FAM151A: variants seen among roughly 807,000 people sequenced by gnomAD.
FAM151A encodes the protein family with sequence similarity 151 member A.
In FAM151A, 41 loss-of-function variants were observed where a neutral mutation model predicts 40.4. The ratio of observed to expected loss-of-function variants is 1.01; its 90% CI spans 0.79 to 1.32. FAM151A has a LOEUF of 1.32. Among genes scored for constraint, FAM151A ranks in the 40% most tolerant of loss-of-function variants. The probability of loss-of-function intolerance (pLI) is 0.00; values close to 1 mark genes in which losing one functional copy is unlikely to be tolerated. For synonymous variants in FAM151A, 337 were observed against 312.5 expected, an observed-to-expected ratio of 1.08 and a Z score of -0.83; for missense variants, 740 against 740.4, an observed-to-expected ratio of 1.00 and a Z score of 0.01.
Position 54,616,109 on chromosome 1 carries a change from C to T in FAM151A, c.326G>A (p.Gly109Glu). 1 of 1,614,144 alleles carries T rather than the reference C, an allele frequency of 6.2e-7. No individual in the cohort carries two copies. Among genetic ancestry groups the T allele is most frequent in the East Asian group, 2.2e-5 (1 of 44,864 alleles). The change falls in exon 3 of 8, where the codon GGA (glycine) becomes GAA (glutamate). Residue 109 changes from glycine (G) to glutamate (E), a missense_variant. Transcript: ENST00000302250. ...GGGGGGGTGTGCCATGATGGGAACT[C>T]CTGTCTCATTGGCTGTGCCGAGCCC... ...VEGLGTANET[G>E]VPIMAHPPTI...
At chr1:54,617,098 T>A (rs2101021348) in intron 2 of FAM151A, among the ~76,000 whole-genome samples, 1 of 152,318 alleles carries the variant, frequency 6.6e-6, no homozygotes, top group Non-Finnish European at 1.5e-5. Context: ...TCTCACCACA[T>A]CATCACTGAC....
At chr1:54,610,138 A>G in intron 7 of FAM151A, 197 bp from the exon 8 acceptor site, 1 of 1,433,346 alleles carries the variant, frequency 7.0e-7, no homozygotes, top group Non-Finnish European at 9.1e-7. Flanking sequence ...CTCTTGTTTC[A>G]GCTCTTGGCC....
At chr1:54,610,172 G>A (rs2101012823) in intron 7 of FAM151A, 11 of 1,432,978 alleles carry the variant, frequency 7.7e-6, no homozygotes, top group Non-Finnish European at 1.0e-5. Flanking sequence ...CAGCCTGGGG[G>A]CTGGTGCCGG....
intron 3 of FAM151A, among the ~76,000 whole-genome samples, chr1:54,615,573 G>A (rs1354616951): frequency 6.6e-6 from 1 of 152,028 alleles, no homozygotes; most frequent in East Asian, 1.9e-4. Flanking sequence ...ATGGGGGCAG[G>A]GTTAGGGGTT....
At chr1:54,615,431 G>T (rs920490695) in intron 3 of FAM151A, among the ~76,000 whole-genome samples, 1 of 152,124 alleles carries the variant, frequency 6.6e-6, no homozygotes, top group Non-Finnish European at 1.5e-5. Context: ...TGACAAAACT[G>T]GTGTTTTGAA....
rs543957068 is a variant in FAM151A at position 54,609,573 on chromosome 1, G to A, written c.1453C>T (p.Leu485=). 327 of 1,612,936 alleles carry A rather than the reference G, an allele frequency of 2.0e-4. No individual in the cohort carries two copies. Among genetic ancestry groups the A allele is most frequent in the Non-Finnish European group, 2.6e-4 (311 of 1,180,020 alleles). Reference sequence around the variant, plus strand: ...AGCTGTTCCCTGTAGCCACTGCCCAGCACCTCCTCAGGCCAGCCTGGTGCC... The same window carrying A: ...AGCTGTTCCCTGTAGCCACTGCCCAACACCTCCTCAGGCCAGCCTGGTGCC... The part of the protein sequence containing the change: ...TVAPGWPEEV[L]GSGYREQLLT... Residue 485 remains leucine, a synonymous_variant, in exon 8 of 8, where the codon CTG becomes TTG. Transcript: ENST00000302250.
chr1:54,609,628 A>G lies in FAM151A; in HGVS notation c.1398T>C (p.Ala466=), dbSNP rs1644089921. The change falls in exon 8 of 8, where the codon GCT becomes GCC. Residue 466 remains alanine, a synonymous_variant. Transcript: ENST00000302250. The part of the protein sequence containing the change: ...GHVAGRELLT[A]VAEVFPHVTV... Reference sequence around the variant, plus strand: ...TCACGTGGGGGAAGACCTCAGCCACAGCTGTAAGCAGCTCTCTGCCAGCCA... The same window carrying G: ...TCACGTGGGGGAAGACCTCAGCCACGGCTGTAAGCAGCTCTCTGCCAGCCA... The G allele has an allele frequency of 1.2e-6, 2 of 1,613,772 alleles. No homozygotes were observed. The highest frequency in any genetic ancestry group is 1.7e-6 in the Non-Finnish European group (2 of 1,180,022).
At position 54,619,973 on chromosome 1, in the gene FAM151A, G is replaced by A. The variant is rs1463626093; in HGVS notation, c.153C>T (p.Asp51=). ...CELEACSPDA[D]MLDYLLSLGQ... is the part of the protein sequence containing the mutation. ...CCAGGCTCAGCAGGTAGTCCAGCAT[G>A]TCGGCATCAGGGCTGCAGGCCTCCA... is the stretch of plus-strand genomic sequence containing the variant. The change falls in exon 2 of 8, where the codon GAC becomes GAT. Residue 51 remains aspartate, a synonymous_variant. Coordinates refer to ENST00000302250, the MANE Select transcript of FAM151A (RefSeq NM_176782.3). The A allele has an allele frequency of 6.2e-7, 1 of 1,614,156 alleles. No individual in the cohort carries two copies. Among genetic ancestry groups the A allele is most frequent in the South Asian group, 1.1e-5 (1 of 91,076 alleles).
In FAM151A at chr1:54,609,195, G is replaced by T. The variant is rs2101010774; in HGVS notation, c.*73C>A. The T allele has an allele frequency of 4.1e-5, 65 of 1,598,708 alleles. No individual in the cohort carries two copies. The highest frequency in any genetic ancestry group is 5.5e-5 in the Non-Finnish European group (65 of 1,171,652). On this transcript the variant is annotated 3_prime_UTR_variant, in exon 8 of 8. Coordinates refer to ENST00000302250, the MANE Select transcript of FAM151A (RefSeq NM_176782.3). Reference sequence around the variant, plus strand: ...CATACAGTGCCTGGAGAAAGCCAAAGACCTTTATTTCTTCCTGCCTCCCCG... The same window carrying T: ...CATACAGTGCCTGGAGAAAGCCAAATACCTTTATTTCTTCCTGCCTCCCCG...
chr1:54,610,972 A>G (rs967048522), intron 6 of FAM151A: 7 of 985,286 alleles, frequency 7.1e-6, no homozygotes, highest in Non-Finnish European at 7.2e-6. Context: ...CCTCTGAAAC[A>G]TTAGAGTAAC....
chr1:54,609,632 G>C lies in FAM151A; in HGVS notation c.1394C>G (p.Thr465Arg). Residue 465 changes from threonine (T) to arginine (R), a missense_variant, in exon 8 of 8, where the codon ACA (threonine) becomes AGA (arginine). By Grantham distance (71) the Thr-to-Arg change is moderately conservative. Transcript: ENST00000302250. ...PGHVAGRELL[T>R]AVAEVFPHVT... ...GTGGGGGAAGACCTCAGCCACAGCT[G>C]TAAGCAGCTCTCTGCCAGCCACATG... 1 of 1,613,792 alleles carries C rather than the reference G, an allele frequency of 6.2e-7. No individual in the cohort carries two copies. Among genetic ancestry groups the C allele is most frequent in the Non-Finnish European group, 8.5e-7 (1 of 1,180,032 alleles).
rs11206394 is a variant in FAM151A at position 54,609,449 on chromosome 1, C to G, written c.1577G>C (p.Gly526Ala). The G allele has an allele frequency of 0.067, 107,751 of 1,613,662 alleles. 5,265 individuals carry two copies. Among genetic ancestry groups the G allele is most frequent in the East Asian group, 0.21 (9,489 of 44,868 alleles). The stretch of plus-strand genomic sequence containing the variant: ...CCGGGGGGAGGATGCCAGCAGCCTG[C>G]CTATGGCTCCAGCTGTGCTGTGGCC... ...LLGHSTAGAI[G>A]RLLASSPRAT... Residue 526 changes from glycine to alanine, a missense_variant, in exon 8 of 8, where the codon GGC becomes GCC. Physicochemically the swap from Gly to Ala is moderately conservative, Grantham distance 60. Coordinates refer to ENST00000302250, the MANE Select transcript of FAM151A (RefSeq NM_176782.3).
At position 54,623,499 on chromosome 1, in the gene FAM151A, A is replaced by G. The variant is rs1205333665; in HGVS notation, c.-104T>C. The G allele has an allele frequency of 1.2e-6, 1 of 818,666 alleles. No homozygotes were observed. The highest frequency in any genetic ancestry group is 1.7e-5 in the African/African-American group (1 of 59,372). 50.7% of individuals were successfully genotyped at this position (818,666 alleles called of 1,614,324 possible). On this transcript the variant is annotated 5_prime_UTR_variant, in exon 1 of 8. Coordinates refer to ENST00000302250, the MANE Select transcript of FAM151A (RefSeq NM_176782.3). ...GAGGCAGGAGCTCCCAGCAGCACCT[A>G]ATTCTCCACCGGGCCTGGTCTGCTC...
At chr1:54,610,248 C>T in intron 7 of FAM151A, 164 bp downstream of exon 7, 3 of 1,456,274 alleles carry the variant, frequency 2.1e-6, no homozygotes, top group Non-Finnish European at 2.7e-6. Flanking sequence ...CTTGACATCA[C>T]TGTACTCCCT....
At chr1:54,615,197 C>T (rs576232143) in intron 3 of FAM151A, among the ~76,000 whole-genome samples, 5 of 152,222 alleles carry the variant, frequency 3.3e-5, no homozygotes, top group African/African-American at 1.2e-4. Flanking sequence ...AGGGCAGACT[C>T]AGAGGGTCCT....
In FAM151A at chr1:54,610,897, G is replaced by A. The variant is rs72903827; in HGVS notation, c.941-342C>T. The stretch of plus-strand genomic sequence containing the variant: ...GCTTAACTGCGGCTCTTCTGGGTTC[G>A]GGGTCAAGGGAATGAGGGGTTTGGA... On this transcript the variant is annotated intron_variant, in intron 6 of 7. Coordinates refer to ENST00000302250, the MANE Select transcript of FAM151A (RefSeq NM_176782.3). The A allele has an allele frequency of 0.011, 11,260 of 985,262 alleles. 864 individuals carry two copies. The African/African-American group carries it at 0.16, about 14-fold the overall frequency. The allele number at this position is 985,262 out of a possible 1,614,324, so 61.0% of individuals were successfully genotyped here.
At chr1:54,611,224 A>C (rs11206395) in intron 6 of FAM151A, among the ~76,000 whole-genome samples, 2,606 of 152,222 alleles carry the variant, frequency 0.017, 72 homozygotes, top group African/African-American at 0.059. Flanking sequence ...ACTTGAGGGC[A>C]GAAGTTCGAG....
chr1:54,615,916 C>T, intron 3 of FAM151A, 104 bp downstream of exon 3: 1 of 1,221,552 alleles, frequency 8.2e-7, no homozygotes, highest in East Asian at 2.5e-5. Context: ...GCAATGAGCA[C>T]CTCGTGTCAG....
At chr1:54,611,161 AGG>A in intron 6 of FAM151A, 1 of 525,046 alleles carries the variant, frequency 1.9e-6, no homozygotes, top group Non-Finnish European at 2.4e-6. Flanking sequence ...TGGGTCAGGC[AGG>A]TGGCTCATGC....
Sources: gnomAD v4.1 joint callset for allele counts (sites outside exome capture counted in the v4.1 genomes callset) on GRCh38, gnomAD v4.1.1 for gene constraint, MANE v1.5 for transcripts, NCBI Gene and HGNC (gene_info 2026-07-23, HGNC 2026-07-21) for gene names.